The following PRKAR1B variants were observed in gnomAD, a reference collection of about 807,000 sequenced individuals.
PRKAR1B encodes the protein cAMP-dependent protein kinase type I-beta regulatory subunit.
Under a neutral mutation model 46.5 loss-of-function variants are expected in PRKAR1B, and 22 were observed. The ratio of observed to expected loss-of-function variants is 0.47; its 90% CI spans 0.34 to 0.68. PRKAR1B has a LOEUF of 0.68. PRKAR1B is among the 30% of genes least tolerant of loss of function. PRKAR1B has a pLI of 0.01. For synonymous variants in PRKAR1B, 259 were observed against 217.7 expected, an observed-to-expected ratio of 1.19 and a Z score of -1.67; for missense variants, 445 against 535.6, an observed-to-expected ratio of 0.83 and a Z score of 1.67.
chr7:663,128 G>T (rs915467306), intron 4 of PRKAR1B, among the ~76,000 whole-genome samples: 2 of 152,186 alleles, frequency 1.3e-5, no homozygotes, highest in South Asian at 4.1e-4. Flanking sequence ...GGGCCCACCC[G>T]CGGGAAGAAT....
At chr7:626,714 G>A (rs915416073) in intron 4 of PRKAR1B, among the ~76,000 whole-genome samples, 10 of 151,412 alleles carry the variant, frequency 6.6e-5, no homozygotes, top group African/African-American at 9.7e-5. Context: ...GAAAGATAAA[G>A]TGAACTTTTT....
chr7:551,297 C>A, intron 10 of PRKAR1B, 92 bp downstream of exon 10: 1 of 1,241,302 alleles, frequency 8.1e-7, no homozygotes, highest in Non-Finnish European at 1.1e-6. Context: ...CCCAGGGAAG[C>A]CCCCCAGCAG....
chr7:680,643 C>CA lies in PRKAR1B; in HGVS notation c.260_261insT (p.Asn88GlufsTer56). ...GGCGGCGGGCCTTCACCACAGGGTTCGGGGGGGTGGGCGACACCTCCTCAT... is the reference window on the plus strand; with the variant it reads ...GGCGGCGGGCCTTCACCACAGGGTTCAGGGGGGGTGGGCGACACCTCCTCAT... On this transcript the variant is annotated frameshift_variant, in exon 3 of 11. Transcript: ENST00000537384. LOFTEE classifies it high-confidence loss of function. 1 of 1,160,348 alleles carries CA rather than the reference C, an allele frequency of 8.6e-7. No individual in the cohort carries two copies. Among genetic ancestry groups the CA allele is most frequent in the Non-Finnish European group, 1.2e-6 (1 of 822,736 alleles). The allele number at this position is 1,160,348 out of a possible 1,614,324, so 71.9% of individuals were successfully genotyped here.
chr7:673,045 T>TAAAAAAAAAAAAA lies in PRKAR1B; in HGVS notation c.440+4171_440+4183dup, dbSNP rs992683667. Among the ~76,000 whole-genome samples, 2 of 26,550 alleles carry TAAAAAAAAAAAAA rather than the reference T, an allele frequency of 7.5e-5. 1 individual carries two copies. Among genetic ancestry groups the TAAAAAAAAAAAAA allele is most frequent in the African/African-American group, 2.9e-4 (2 of 6,842 alleles). The allele number at this position is 26,550 out of a possible 152,430, so 17.4% of individuals were successfully genotyped here. On this transcript the variant is annotated intron_variant, in intron 4 of 10. Transcript: ENST00000537384. ...GGGTGAGAGAGTAAGGCCTTGTCTT[T>TAAAAAAAAAAAAA]AAAAAAAAAAAAAAAAAAAAAAAAA... is the stretch of plus-strand genomic sequence containing the variant.
chr7:607,369 C>G (rs752375402), intron 5 of PRKAR1B, 22 bp downstream of exon 5: 1 of 1,609,044 alleles, frequency 6.2e-7, no homozygotes, highest in Non-Finnish European at 8.5e-7. Flanking sequence ...GACTTTGGCT[C>G]CGAGGAGCAG....
chr7:584,920 C>T (rs1267778000), intron 7 of PRKAR1B, among the ~76,000 whole-genome samples: 1 of 152,110 alleles, frequency 6.6e-6, no homozygotes, highest in Non-Finnish European at 1.5e-5. Flanking sequence ...GCAGGGAGCT[C>T]ATAAACACAT....
chr7:588,316 T>C (rs1333316783), intron 7 of PRKAR1B, among the ~76,000 whole-genome samples: 2 of 152,278 alleles, frequency 1.3e-5, no homozygotes, highest in African/African-American at 4.8e-5. Context: ...ACCTGCATCA[T>C]TGGGCTTTGG....
At chr7:587,709 C>T (rs993361227) in intron 7 of PRKAR1B, among the ~76,000 whole-genome samples, 4 of 152,290 alleles carry the variant, frequency 2.6e-5, no homozygotes, top group South Asian at 2.1e-4. Context: ...GGAGGCAGTC[C>T]GCAGCCCTCC....
chr7:563,574 AC>A (rs1392739902), intron 9 of PRKAR1B, among the ~76,000 whole-genome samples: 1 of 151,894 alleles, frequency 6.6e-6, no homozygotes, highest in Non-Finnish European at 1.5e-5. Flanking sequence ...GAGTGCGTGC[AC>A]AGGTGTGTGT....
At chr7:658,366 T>G (rs75398562) in intron 4 of PRKAR1B, among the ~76,000 whole-genome samples, 13,130 of 151,948 alleles carry the variant, frequency 0.086, 729 homozygotes, top group South Asian at 0.24. Context: ...GCCCATGAGG[T>G]GGGGGCTGCT....
At chr7:709,107 C>CAAA in intron 2 of PRKAR1B, among the ~76,000 whole-genome samples, 1 of 17,914 alleles carries the variant, frequency 5.6e-5, no homozygotes, top group South Asian at 3.0e-3. Flanking sequence ...ATATTTAATA[C>CAAA]TAAAAAAAAA....
intron 4 of PRKAR1B, among the ~76,000 whole-genome samples, chr7:642,086 G>A (rs1409058894): frequency 6.6e-6 from 1 of 151,940 alleles, no homozygotes; most frequent in East Asian, 1.9e-4. Flanking sequence ...TGTAGAGATC[G>A]GGTCTTGCTA....
chr7:700,777 T>G (rs1462163343), intron 2 of PRKAR1B, among the ~76,000 whole-genome samples: 6 of 151,964 alleles, frequency 3.9e-5, no homozygotes, highest in Non-Finnish European at 8.8e-5. Flanking sequence ...ATTTTAGAAC[T>G]GAAAAATAAA....
chr7:675,270 G>A (rs1242251101), intron 4 of PRKAR1B, among the ~76,000 whole-genome samples: 2 of 152,208 alleles, frequency 1.3e-5, no homozygotes, highest in Admixed American at 1.3e-4. Flanking sequence ...CCCCATCACT[G>A]GCGAGGAGCA....
intron 4 of PRKAR1B, among the ~76,000 whole-genome samples, chr7:649,430 T>TAG: frequency 6.6e-6 from 1 of 152,370 alleles, no homozygotes; most frequent in Admixed American, 6.5e-5. Context: ...TTTTTAGTGT[T>TAG]AGCAGACAGT....
intron 9 of PRKAR1B, among the ~76,000 whole-genome samples, chr7:554,334 A>G (rs552518799): frequency 1.3e-5 from 2 of 152,376 alleles, no homozygotes; most frequent in South Asian, 4.1e-4. Flanking sequence ...ATTTGTCTGG[A>G]CAGCCCATCA....
Position 667,183 on chromosome 7 carries a change from T to C in PRKAR1B, c.440+10046A>G, listed in dbSNP as rs1353088500. Among the ~76,000 whole-genome samples, 1 of 151,982 alleles carries C rather than the reference T, an allele frequency of 6.6e-6. No homozygotes were observed. Among genetic ancestry groups the C allele is most frequent in the Non-Finnish European group, 1.5e-5 (1 of 67,986 alleles). ...ATGATGGTGATGATGACAGTGATGA[T>C]GGTGATGGTGGGGATGGTGATGATG... is the stretch of plus-strand genomic sequence containing the variant. On this transcript the variant is annotated intron_variant, in intron 4 of 10. Coordinates refer to ENST00000537384, the MANE Select transcript of PRKAR1B (RefSeq NM_001164760.2). This position sits in a 1 kb window ranked among gnomAD's most constrained non-coding sequence, Gnocchi z 4.3.
rs183987797 is a variant in PRKAR1B, at chr7:647,870, C to T, written c.440+29359G>A. 1.7e-3 allele frequency among the ~76,000 whole-genome samples: 252 copies of T among 146,348 alleles called. 2 individuals carry two copies. The highest frequency in any genetic ancestry group is 5.7e-3 in the African/African-American group (227 of 39,608). The stretch of plus-strand genomic sequence containing the variant: ...TGTTTTTCAGTTAGCACCTAAAATG[C>T]TTCATTATGGCCGGGCATGGTGGCT... On this transcript the variant is annotated intron_variant, in intron 4 of 10. Coordinates refer to ENST00000537384, the MANE Select transcript of PRKAR1B (RefSeq NM_001164760.2).
chr7:590,298 G>A (rs1317578807), intron 7 of PRKAR1B, among the ~76,000 whole-genome samples: 4 of 152,256 alleles, frequency 2.6e-5, no homozygotes, highest in African/African-American at 7.2e-5. Flanking sequence ...CCCAAGGCAC[G>A]CACCGGTGAG....
Sources: gnomAD v4.1 joint callset for allele counts (sites outside exome capture counted in the v4.1 genomes callset) on GRCh38, gnomAD v4.1.1 for gene constraint, Gnocchi (gnomAD v3.1) non-coding constraint, MANE v1.5 for transcripts, NCBI Gene and HGNC (gene_info 2026-07-23, HGNC 2026-07-21) for gene names.